Variants in CCDC171 observed in about 807,000 individuals in gnomAD.
CCDC171 encodes the protein coiled-coil domain containing 171.
CCDC171 carries 177 observed loss-of-function variants against 168.2 expected under a neutral mutation model. That is an observed-to-expected ratio of 1.05 (90% CI 0.93 to 1.19). The LOEUF is 1.19. Ranked by LOEUF, CCDC171 falls within the 50% of genes most tolerant of loss-of-function variation. The probability of loss-of-function intolerance (pLI) is 0.00; values close to 1 mark genes in which losing one functional copy is unlikely to be tolerated. For missense variants in CCDC171, 1,991 were observed against 1,539.0 expected (o/e 1.29, Z -4.91); for synonymous variants, 687 against 540.8 (o/e 1.27, Z -3.75).
chr9:15,868,500 A>C (rs937836963), intron 23 of CCDC171, among the ~76,000 whole-genome samples: 1 of 148,392 alleles, frequency 6.7e-6, no homozygotes, highest in South Asian at 2.1e-4. Flanking sequence ...TGTGTGTGTG[A>C]GAGAGAGAGA....
chr9:15,955,383 A>G (rs1322854033), intron 25 of CCDC171, among the ~76,000 whole-genome samples: 1 of 152,158 alleles, frequency 6.6e-6, no homozygotes, highest in Admixed American at 6.6e-5. Flanking sequence ...AGGTGCAACA[A>G]TAATGGTCAC....
chr9:15,892,451 T>C (rs573382301), intron 24 of CCDC171, among the ~76,000 whole-genome samples: 1 of 152,292 alleles, frequency 6.6e-6, no homozygotes, highest in African/African-American at 2.4e-5. Flanking sequence ...CTGCATCTAT[T>C]GAGATAATCA....
In CCDC171 at chr9:15,666,223, G is replaced by C. The variant is rs1311666436; in HGVS notation, c.976G>C (p.Val326Leu). The C allele has an allele frequency of 1.2e-6, 2 of 1,613,710 alleles. No individual in the cohort carries two copies. Among genetic ancestry groups the C allele is most frequent in the East Asian group, 4.5e-5 (2 of 44,854 alleles). The part of the protein sequence containing the change: ...QVEKASQAEA[V>L]ADLEIIKNEF... ...AGAGAAGGCCAGTCAAGCAGAAGCTGTTGCTGATTTGGAAATTATCAAGAA... is the reference window on the plus strand; with the variant it reads ...AGAGAAGGCCAGTCAAGCAGAAGCTCTTGCTGATTTGGAAATTATCAAGAA... The change falls in exon 9 of 26, where the codon GTT (valine) becomes CTT (leucine). Residue 326 changes from valine (V) to leucine (L), a missense_variant. Val to Leu is a conservative substitution (Grantham distance 32). Coordinates refer to ENST00000380701, the MANE Select transcript of CCDC171 (RefSeq NM_173550.4).
At chr9:15,969,308 A>G (rs1459114529) in intron 25 of CCDC171, among the ~76,000 whole-genome samples, 1 of 152,204 alleles carries the variant, frequency 6.6e-6, no homozygotes, top group Non-Finnish European at 1.5e-5. Flanking sequence ...TTAAAGAGAA[A>G]TGAGCAGTTA....
rs569660813 is a variant in CCDC171, at chr9:15,749,571, A to T, written c.2671+3940A>T. On this transcript the variant is annotated intron_variant, in intron 18 of 25. Coordinates refer to ENST00000380701, the MANE Select transcript of CCDC171 (RefSeq NM_173550.4). ...TTCTAAAATTGACCACATAATTCGAAGTAAAACACTCCTCAGCAAAAGTAA... is the reference window on the plus strand; with the variant it reads ...TTCTAAAATTGACCACATAATTCGATGTAAAACACTCCTCAGCAAAAGTAA... Among the ~76,000 whole-genome samples, 3 of 152,332 alleles carry T rather than the reference A, an allele frequency of 2.0e-5. No homozygotes were observed. The South Asian group carries it at 6.2e-4, about 32-fold the overall frequency.
intron 6 of CCDC171, among the ~76,000 whole-genome samples, chr9:15,622,553 G>T (rs1451507607): frequency 1.3e-5 from 2 of 152,180 alleles, no homozygotes; most frequent in Non-Finnish European, 2.9e-5. Flanking sequence ...AGAGGGCTTT[G>T]TTAAAGGCCT....
At chr9:15,956,698 T>A (rs1158034954) in intron 25 of CCDC171, among the ~76,000 whole-genome samples, 1 of 152,142 alleles carries the variant, frequency 6.6e-6, no homozygotes, top group African/African-American at 2.4e-5. Context: ...CAAACATATA[T>A]TCAAGTACAA....
At chr9:15,678,458 G>A (rs1483913672) in intron 9 of CCDC171, among the ~76,000 whole-genome samples, 4 of 152,026 alleles carry the variant, frequency 2.6e-5, no homozygotes, top group African/African-American at 9.7e-5. Context: ...ATTGAACTAC[G>A]GTAGGTGGGT....
At chr9:15,570,503 T>C (rs545569311) in intron 2 of CCDC171, among the ~76,000 whole-genome samples, 1 of 152,292 alleles carries the variant, frequency 6.6e-6, no homozygotes, top group South Asian at 2.1e-4. Flanking sequence ...TATTAAACTT[T>C]TGGTGATTGT....
intron 21 of CCDC171, among the ~76,000 whole-genome samples, chr9:15,842,652 G>A (rs952635525): frequency 1.3e-4 from 19 of 151,708 alleles, no homozygotes; most frequent in Non-Finnish European, 1.8e-4. Context: ...CTGTGAATAC[G>A]TACTGAATTG....
chr9:15,953,684 G>A (rs1221480827), intron 25 of CCDC171, among the ~76,000 whole-genome samples: 1 of 152,096 alleles, frequency 6.6e-6, no homozygotes, highest in Non-Finnish European at 1.5e-5. Flanking sequence ...GATAATGCTG[G>A]CCTCATAAAA....
chr9:16,057,624 C>G (rs1386683733), intron 1 of CCDC171, among the ~76,000 whole-genome samples: 4 of 152,170 alleles, frequency 2.6e-5, no homozygotes. Context: ...ACCCTTGTCC[C>G]TTGTCTCTTC....
chr9:15,604,638 G>C (rs1214543513), intron 6 of CCDC171, among the ~76,000 whole-genome samples: 1 of 152,108 alleles, frequency 6.6e-6, no homozygotes, highest in Admixed American at 6.6e-5. Flanking sequence ...ACTATAGAAA[G>C]AGGAGGAAGA....
chr9:16,050,272 T>C lies in CCDC171; in HGVS notation n.89+7386T>C, dbSNP rs138952861. Among the ~76,000 whole-genome samples, 372 of 152,370 alleles carry C rather than the reference T, an allele frequency of 2.4e-3. 4 individuals carry two copies. The highest frequency in any genetic ancestry group is 8.6e-3 in the African/African-American group (356 of 41,590). Reference sequence around the variant, plus strand: ...TATGAGGCTACTTAATGGTAAAGGATAAATGTTTAAAGGCTAATTATTACT... The same window carrying C: ...TATGAGGCTACTTAATGGTAAAGGACAAATGTTTAAAGGCTAATTATTACT... On this transcript the variant is annotated intron_variant and non_coding_transcript_variant, in intron 1 of 1. Coordinates refer to the CCDC171 transcript ENST00000478913.
At chr9:16,076,797 G>C in the CCDC171 span, among the ~76,000 whole-genome samples, 4 of 152,172 alleles carry the variant, frequency 2.6e-5, no homozygotes, top group East Asian at 1.9e-4. Flanking sequence ...ATATAGGAGA[G>C]GTGTGAACAA....
the CCDC171 span, among the ~76,000 whole-genome samples, chr9:16,074,667 G>A: frequency 6.6e-6 from 1 of 152,204 alleles, no homozygotes; most frequent in Non-Finnish European, 1.5e-5. Flanking sequence ...TGGATAAGTA[G>A]TGGTTATTTA....
At chr9:15,788,984 C>T in intron 21 of CCDC171, among the ~76,000 whole-genome samples, 1 of 151,530 alleles carries the variant, frequency 6.6e-6, no homozygotes, top group East Asian at 2.0e-4. Context: ...GCATTTATTG[C>T]ATAAATGCAC....
At chr9:15,672,914 G>A (rs1193157581) in intron 9 of CCDC171, among the ~76,000 whole-genome samples, 1 of 152,114 alleles carries the variant, frequency 6.6e-6, no homozygotes, top group African/African-American at 2.4e-5. Context: ...AGCTTGATGG[G>A]GATGGCATTG....
downstream of CCDC171, among the ~76,000 whole-genome samples, chr9:15,977,438 C>T (rs12001664): frequency 0.078 from 11,853 of 152,194 alleles, 1,517 homozygotes; most frequent in African/African-American, 0.27. Flanking sequence ...TAAATCAAAA[C>T]AGAGTTTTGC....
Sources: gnomAD v4.1 joint callset for allele counts (sites outside exome capture counted in the v4.1 genomes callset) on GRCh38, gnomAD v4.1.1 for gene constraint, MANE v1.5 for transcripts, NCBI Gene and HGNC (gene_info 2026-07-23, HGNC 2026-07-21) for gene names.